The following PUS7 variants were observed in gnomAD, a reference collection of about 807,000 sequenced individuals.
PUS7 encodes the protein pseudouridine synthase 7, also known as pseudouridylate synthase 7 homolog.
PUS7 carries 48 observed loss-of-function variants against 79.8 expected under a neutral mutation model. The ratio of observed to expected loss-of-function variants is 0.60; its 90% CI spans 0.48 to 0.76. PUS7 has a LOEUF of 0.76. Among genes scored for constraint, PUS7 ranks in the 30% least tolerant of loss-of-function variants. PUS7 has a pLI of 0.00. For missense variants in PUS7, 729 were observed against 797.6 expected (o/e 0.91, Z 1.04); for synonymous variants, 286 against 272.2 (o/e 1.05, Z -0.50).
At chr7:105,506,613 G>A (rs1027005487) in intron 2 of PUS7, among the ~76,000 whole-genome samples, 1 of 151,818 alleles carries the variant, frequency 6.6e-6, no homozygotes, top group Admixed American at 6.6e-5. Context: ...AGTAGAGACG[G>A]GGTTGCACCA....
intron 13 of PUS7, 67 bp from the exon 14 acceptor site, chr7:105,462,817 TAA>T (rs1563351872): frequency 6.9e-7 from 1 of 1,440,420 alleles, no homozygotes; most frequent in Admixed American, 2.0e-5. Flanking sequence ...AACTAGATTA[TAA>T]AGAGAGTAAC....
intron 9 of PUS7, among the ~76,000 whole-genome samples, chr7:105,473,845 TG>T (rs1246554728): frequency 6.6e-6 from 1 of 152,246 alleles, no homozygotes; most frequent in Non-Finnish European, 1.5e-5. Flanking sequence ...TGAGCCACCA[TG>T]CCTGGCCTAT....
intron 1 of PUS7, among the ~76,000 whole-genome samples, chr7:105,512,872 G>C (rs1257079872): frequency 6.6e-6 from 1 of 152,226 alleles, no homozygotes; most frequent in African/African-American, 2.4e-5. Flanking sequence ...AAGGGAGACA[G>C]AAAAAGGCGA....
At chr7:105,468,549 G>C (rs1454420565) in intron 11 of PUS7, 86 bp from the exon 12 acceptor site, 1 of 1,238,134 alleles carries the variant, frequency 8.1e-7, no homozygotes, top group Non-Finnish European at 1.1e-6. Context: ...ATGGGGTCTT[G>C]CTCTCTTGCC....
At chr7:105,515,676 G>A (rs951254344) in intron 1 of PUS7, among the ~76,000 whole-genome samples, 4 of 152,014 alleles carry the variant, frequency 2.6e-5, no homozygotes, top group African/African-American at 9.7e-5. Flanking sequence ...CACCCAGGCT[G>A]GAGTGCAGTG....
chr7:105,478,654 T>C (rs1335259171), intron 9 of PUS7, among the ~76,000 whole-genome samples: 1 of 152,234 alleles, frequency 6.6e-6, no homozygotes, highest in Non-Finnish European at 1.5e-5. Flanking sequence ...TTAGAATGCG[T>C]TGTCTTTCTG....
chr7:105,467,557 G>C (rs375176453), intron 12 of PUS7, among the ~76,000 whole-genome samples: 13 of 151,578 alleles, frequency 8.6e-5, no homozygotes, highest in Non-Finnish European at 1.6e-4. Context: ...CAAAGTGCTG[G>C]GATTACAGGT....
chr7:105,493,279 C>T (rs144720842), intron 6 of PUS7, among the ~76,000 whole-genome samples: 1 of 152,272 alleles, frequency 6.6e-6, no homozygotes, highest in Admixed American at 6.5e-5. Context: ...ACCTAGTTAA[C>T]TAAGAAGTAT....
At chr7:105,460,547 T>C (rs574117779) in intron 14 of PUS7, among the ~76,000 whole-genome samples, 12 of 152,108 alleles carry the variant, frequency 7.9e-5, no homozygotes, top group South Asian at 2.1e-4. Context: ...CTTTAGATAA[T>C]ACTGAGTATT....
chr7:105,518,699 TATTA>T (rs1339779964), intron 1 of PUS7, among the ~76,000 whole-genome samples: 7 of 152,170 alleles, frequency 4.6e-5, no homozygotes, highest in African/African-American at 1.7e-4. Flanking sequence ...AACAGTCCCT[TATTA>T]ATTAATTCCT....
intron 1 of PUS7, among the ~76,000 whole-genome samples, chr7:105,516,401 G>A (rs77057281): frequency 0.018 from 2,733 of 152,052 alleles, 89 homozygotes; most frequent in African/African-American, 0.062. Context: ...TCAAACTAGT[G>A]TCATTTTCGC....
chr7:105,493,602 T>C (rs535711446), intron 6 of PUS7, among the ~76,000 whole-genome samples: 9 of 152,298 alleles, frequency 5.9e-5, no homozygotes, highest in African/African-American at 2.2e-4. Flanking sequence ...TATTTGGAGA[T>C]AGGGCCTTCA....
rs1823238005 is a variant in PUS7, at chr7:105,457,561, T to G, written c.*229A>C. ...TTTACTCTGATTTAAGCACCTGAAG[T>G]GTATTTTGACTAATTTATATTCTGA... On this transcript the variant is annotated 3_prime_UTR_variant, in exon 16 of 16. Coordinates refer to ENST00000469408, the MANE Select transcript of PUS7 (RefSeq NM_019042.5). 2 of 352,018 alleles carry G rather than the reference T, an allele frequency of 5.7e-6. No individual in the cohort carries two copies. Among genetic ancestry groups the G allele is most frequent in the Non-Finnish European group, 1.0e-5 (2 of 197,270 alleles). The allele number at this position is 352,018 out of a possible 1,614,324, so 21.8% of individuals were successfully genotyped here. A position where few individuals can be genotyped will look rare whatever the true frequency, so the allele number is the denominator to read the frequency against.
Position 105,495,242 on chromosome 7 carries a change from G to T in PUS7, c.742C>A (p.His248Asn). Residue 248 changes from histidine to asparagine, a missense_variant, in exon 6 of 16, where the codon CAT becomes AAT. Physicochemically the swap from His to Asn is moderately conservative, Grantham distance 68. Coordinates refer to ENST00000469408, the MANE Select transcript of PUS7 (RefSeq NM_019042.5). ...GKKALANPRK[H>N]SWPKSRGSYC... ...CTTCCCCTAGATTTTGGCCAAGAAT[G>T]TTTTCTTGGATCTTGAAAGCAAAAG... 1 of 1,594,152 alleles carries T rather than the reference G, an allele frequency of 6.3e-7. No individual in the cohort carries two copies. Among genetic ancestry groups the T allele is most frequent in the Non-Finnish European group, 8.6e-7 (1 of 1,163,610 alleles).
intron 11 of PUS7, 122 bp from the exon 12 acceptor site, chr7:105,468,585 T>C (rs1374709331): frequency 1.2e-6 from 1 of 828,158 alleles, no homozygotes; most frequent in Non-Finnish European, 1.8e-6. Context: ...TGGCACGATC[T>C]AGGCTCATTG....
intron 1 of PUS7, among the ~76,000 whole-genome samples, chr7:105,509,213 G>C (rs893051007): frequency 9.2e-6 from 1 of 108,166 alleles, no homozygotes; most frequent in Non-Finnish European, 1.9e-5. Context: ...AAAAAAAAAG[G>C]AAAGAAGTTG....
At chr7:105,470,362 G>T (rs968978393) in intron 11 of PUS7, 1 of 191,212 alleles carries the variant, frequency 5.2e-6, no homozygotes, top group Non-Finnish European at 1.1e-5. Context: ...TACAGTTCTG[G>T]TAACGGAATG....
intron 1 of PUS7, among the ~76,000 whole-genome samples, chr7:105,516,853 A>T (rs992950314): frequency 6.6e-6 from 1 of 152,074 alleles, no homozygotes; most frequent in Non-Finnish European, 1.5e-5. Context: ...AAGAGAAAAC[A>T]AGCCTGACTA....
chr7:105,466,653 TTAAA>T (rs1244929392), intron 12 of PUS7, among the ~76,000 whole-genome samples: 2 of 151,992 alleles, frequency 1.3e-5, no homozygotes, highest in Non-Finnish European at 2.9e-5. Flanking sequence ...TCTATCTTTC[TTAAA>T]TAAAGTAACA....
Sources: allele counts gnomAD v4.1 joint callset (sites outside exome capture counted in the v4.1 genomes callset), GRCh38; gene constraint gnomAD v4.1.1; transcripts MANE v1.5; gene names NCBI Gene and HGNC (gene_info 2026-07-23, HGNC 2026-07-21).